The following DNAI2 variants were observed in gnomAD, a reference collection of about 807,000 sequenced individuals.
The protein encoded by DNAI2 is dynein, axonemal, intermediate polypeptide 2.
Under a neutral mutation model 74.7 loss-of-function variants are expected in DNAI2, and 63 were observed. That is an observed-to-expected ratio of 0.84 (90% CI 0.69 to 1.04). The LOEUF (loss-of-function observed/expected upper bound fraction) is 1.04, where lower values mean the gene tolerates loss of function less well. Ranked by LOEUF, DNAI2 falls within the 50% of genes least tolerant of loss-of-function variation. The pLI, the probability that DNAI2 is intolerant of heterozygous loss-of-function variation, is 0.00. For missense variants in DNAI2, 688 were observed against 803.2 expected (o/e 0.86, Z 1.73); for synonymous variants, 289 against 314.9 (o/e 0.92, Z 0.87).
chr17:74,293,806 CAG>C (rs1185959034), intron 6 of DNAI2, among the ~76,000 whole-genome samples: 2 of 151,884 alleles, frequency 1.3e-5, no homozygotes, highest in Non-Finnish European at 2.9e-5. Flanking sequence ...GTTTTTGAGA[CAG>C]AGTCTTACTC....
chr17:74,294,860 C>G (rs1259906621), intron 6 of DNAI2, among the ~76,000 whole-genome samples: 6 of 152,114 alleles, frequency 3.9e-5, no homozygotes, highest in Non-Finnish European at 5.9e-5. Flanking sequence ...TCTCTCCTCT[C>G]CTTCTGTGAC....
chr17:74,306,806 C>G (rs2053215272), intron 9 of DNAI2, among the ~76,000 whole-genome samples: 1 of 152,204 alleles, frequency 6.6e-6, no homozygotes, highest in Non-Finnish European at 1.5e-5. Flanking sequence ...TTAGTATAGA[C>G]AGAGTTTCCC....
intron 11 of DNAI2, 91 bp downstream of exon 11, chr17:74,310,254 G>A (rs984079305): frequency 7.8e-6 from 11 of 1,402,602 alleles, no homozygotes; most frequent in East Asian, 2.7e-5. Flanking sequence ...AGATGGCCCC[G>A]CCCTCCCACC....
At chr17:74,293,422 G>C (rs1329934827) in intron 6 of DNAI2, among the ~76,000 whole-genome samples, 1 of 152,038 alleles carries the variant, frequency 6.6e-6, no homozygotes, top group African/African-American at 2.4e-5. Flanking sequence ...TTTGTCTCTA[G>C]TAGCATTTTT....
At chr17:74,289,861 C>A in intron 5 of DNAI2, 125 bp downstream of exon 5, 2 of 1,197,472 alleles carry the variant, frequency 1.7e-6, no homozygotes, top group Admixed American at 1.9e-5. Flanking sequence ...AAGGGAAGGG[C>A]CCGCAGTCGA....
chr17:74,301,303 C>T, intron 8 of DNAI2, 135 bp downstream of exon 8: 1 of 1,322,476 alleles, frequency 7.6e-7, no homozygotes, highest in East Asian at 2.4e-5. Context: ...CTGCAGCCAT[C>T]CTAGACGTGT....
Position 74,312,074 on chromosome 17 carries a change from G to C in DNAI2, c.1566G>C (p.Lys522Asn). The change falls in exon 12 of 14, where the codon AAG becomes AAC. Residue 522 changes from lysine (K) to asparagine (N), a missense_variant. Transcript: ENST00000311014. ...ARHREMRLKE[K>N]GKAEGRDEEQ... Reference sequence around the variant, plus strand: ...ACCGGGAGATGCGGCTGAAGGAGAAGGGTAAGGCGGAGGGCAGGGATGAGG... The same window carrying C: ...ACCGGGAGATGCGGCTGAAGGAGAACGGTAAGGCGGAGGGCAGGGATGAGG... The C allele has an allele frequency of 6.2e-7, 1 of 1,613,094 alleles. No individual in the cohort carries two copies. Among genetic ancestry groups the C allele is most frequent in the South Asian group, 1.1e-5 (1 of 91,036 alleles).
chr17:74,309,998 T>G lies in DNAI2; in HGVS notation c.1348-19T>G. Reference sequence around the variant, plus strand: ...TGCTCCTCTCTCCTCTACCTGGGTCTGCCCGGCCCCTTCAATAGGTGTGTG... The same window carrying G: ...TGCTCCTCTCTCCTCTACCTGGGTCGGCCCGGCCCCTTCAATAGGTGTGTG... On this transcript the variant is annotated intron_variant, in intron 10 of 13. Coordinates refer to ENST00000311014, the MANE Select transcript of DNAI2 (RefSeq NM_023036.6). 6.2e-7 allele frequency: 1 copy of G among 1,613,702 alleles called. No homozygotes were observed. Among genetic ancestry groups the G allele is most frequent in the Non-Finnish European group, 8.5e-7 (1 of 1,180,006 alleles).
In DNAI2 at chr17:74,285,157, G is replaced by A. The variant is rs776150411; in HGVS notation, c.301G>A (p.Glu101Lys). 1.9e-6 allele frequency: 3 copies of A among 1,614,094 alleles called. No homozygotes were observed. The highest frequency in any genetic ancestry group is 2.5e-6 in the Non-Finnish European group (3 of 1,180,052). The stretch of plus-strand genomic sequence containing the variant: ...GACCATCCGTTTCCGGAAGAAAGTG[G>A]AGAAAGATGAGAACTACGTTAACGC... The part of the protein sequence containing the change: ...EQTIRFRKKV[E>K]KDENYVNAIM... The change falls in exon 3 of 14, where the codon GAG (glutamate) becomes AAG (lysine). Residue 101 changes from glutamate to lysine, a missense_variant. Coordinates refer to ENST00000311014, the MANE Select transcript of DNAI2 (RefSeq NM_023036.6).
At chr17:74,294,451 A>G (rs1234393026) in intron 6 of DNAI2, among the ~76,000 whole-genome samples, 1 of 152,058 alleles carries the variant, frequency 6.6e-6, no homozygotes, top group Non-Finnish European at 1.5e-5. Flanking sequence ...TTGGGACAAC[A>G]GGTGCACGTC....
rs1567862618 is a variant in DNAI2 at position 74,300,012 on chromosome 17, G to A, written c.864+155G>A. Among the ~76,000 whole-genome samples, 1 of 152,220 alleles carries A rather than the reference G, an allele frequency of 6.6e-6. No homozygotes were observed. Among genetic ancestry groups the A allele is most frequent in the Non-Finnish European group, 1.5e-5 (1 of 68,040 alleles). On this transcript the variant is annotated intron_variant, in intron 7 of 13. Transcript: ENST00000311014. This position sits in a 1 kb window ranked among gnomAD's most constrained non-coding sequence, Gnocchi z 4.5. ...TGCCCAGGCTGGAGTGCAATGGCAC[G>A]ATCTTGGTTCACTGCAACCTCTGCC... is the stretch of plus-strand genomic sequence containing the variant.
At chr17:74,275,160 G>A (rs1256248746) in intron 1 of DNAI2, among the ~76,000 whole-genome samples, 2 of 152,162 alleles carry the variant, frequency 1.3e-5, no homozygotes, top group African/African-American at 4.8e-5. Flanking sequence ...CCCTGGGGAC[G>A]GGAGTGAATA....
chr17:74,308,955 C>T (rs538439339), intron 9 of DNAI2, among the ~76,000 whole-genome samples: 3 of 149,096 alleles, frequency 2.0e-5, no homozygotes, highest in East Asian at 2.1e-4. Flanking sequence ...CCCAGTTACT[C>T]GGGAGGCTGA....
chr17:74,304,186 C>CTTTTTTTTTTTTTTTTTTTTTTTT (rs56696514), intron 8 of DNAI2, among the ~76,000 whole-genome samples: 37 of 67,648 alleles, frequency 5.5e-4, no homozygotes, highest in Non-Finnish European at 7.0e-4. Context: ...TTTCTTTTTT[C>CTTTTTTTTTTTTTTTTTTTTTTTT]TTTTTTTTTT....
At chr17:74,310,574 T>C (rs1161157265) in intron 11 of DNAI2, among the ~76,000 whole-genome samples, 1 of 152,014 alleles carries the variant, frequency 6.6e-6, no homozygotes, top group Admixed American at 6.6e-5. Flanking sequence ...AGTCACGCTC[T>C]GTTGCCCAGG....
rs2053685686 is a variant in DNAI2 at position 74,314,039 on chromosome 17, C to G, written c.1723-82C>G. 2.5e-6 allele frequency: 4 copies of G among 1,606,374 alleles called. No homozygotes were observed. The Admixed American group carries it at 6.7e-5, about 27-fold the overall frequency. ...CTTCAGCCATTTGGCTGCTTTGGTCCTCGTGGGGTTCACATCCCAGGGGAG... is the reference window on the plus strand; with the variant it reads ...CTTCAGCCATTTGGCTGCTTTGGTCGTCGTGGGGTTCACATCCCAGGGGAG... On this transcript the variant is annotated intron_variant, in intron 12 of 13. Coordinates refer to ENST00000311014, the MANE Select transcript of DNAI2 (RefSeq NM_023036.6).
chr17:74,305,558 C>T, intron 9 of DNAI2, 116 bp downstream of exon 9: 1 of 874,334 alleles, frequency 1.1e-6, no homozygotes, highest in Non-Finnish European at 1.8e-6. Flanking sequence ...AAAAACCTTT[C>T]CACAAACACC....
intron 11 of DNAI2, 104 bp downstream of exon 11, chr17:74,310,267 C>A: frequency 6.8e-7 from 1 of 1,474,520 alleles, no homozygotes; most frequent in Non-Finnish European, 9.1e-7. Flanking sequence ...CTCCCACCCC[C>A]AGAACATAGG....
In DNAI2 at chr17:74,310,117, C is replaced by G; in HGVS notation, c.1448C>G (p.Pro483Arg). 6.2e-7 allele frequency: 1 copy of G among 1,613,828 alleles called. No individual in the cohort carries two copies. The highest frequency in any genetic ancestry group is 8.5e-7 in the Non-Finnish European group (1 of 1,180,030). Residue 483 changes from proline to arginine, a missense_variant, in exon 11 of 14, where the codon CCT becomes CGT. Physicochemically the swap from Pro to Arg is moderately radical, Grantham distance 103. Coordinates refer to ENST00000311014, the MANE Select transcript of DNAI2 (RefSeq NM_023036.6). Reference protein sequence around the residue: ...LGTTTLLEVSPGLSTLQRNEK... With the variant: ...LGTTTLLEVSRGLSTLQRNEK... Reference sequence around the variant, plus strand: ...ACAACCACCCTGCTGGAGGTCTCGCCTGGGCTCTCTACCCTCCAGAGGAAT... The same window carrying G: ...ACAACCACCCTGCTGGAGGTCTCGCGTGGGCTCTCTACCCTCCAGAGGAAT...
Sources: gnomAD v4.1 joint callset for allele counts (sites outside exome capture counted in the v4.1 genomes callset) on GRCh38, gnomAD v4.1.1 for gene constraint, Gnocchi (gnomAD v3.1) non-coding constraint, MANE v1.5 for transcripts, NCBI Gene and HGNC (gene_info 2026-07-23, HGNC 2026-07-21) for gene names.